Variants in CHEK1 observed in about 807,000 individuals in gnomAD.
The protein encoded by CHEK1 is checkpoint kinase 1, also known as serine/threonine-protein kinase Chk1.
In CHEK1, 32 loss-of-function variants were observed where a neutral mutation model predicts 60.2. The observed-to-expected ratio is 0.53, with a 90% CI of 0.40 to 0.71. CHEK1 has a LOEUF of 0.71. Ranked by LOEUF, CHEK1 falls within the 30% of genes least tolerant of loss-of-function variation. The pLI is 0.00. For synonymous variants in CHEK1, 179 were observed against 187.2 expected (o/e 0.96, Z 0.36); for missense variants, 399 against 564.6 (o/e 0.71, Z 2.97).
Position 125,644,663 on chromosome 11 carries a change from A to G in CHEK1, c.1233+20A>G. 1.9e-6 allele frequency: 3 copies of G among 1,606,776 alleles called. No homozygotes were observed. Among genetic ancestry groups the G allele is most frequent in the Non-Finnish European group, 2.5e-6 (3 of 1,177,336 alleles). On this transcript the variant is annotated intron_variant, in intron 11 of 12. Coordinates refer to ENST00000438015, the MANE Select transcript of CHEK1 (RefSeq NM_001114122.3). The stretch of plus-strand genomic sequence containing the variant: ...AATCAGGTGTGTTTCATTGATTTTC[A>G]TTATACCTTTTCCTGAAGAAGAATT...
intron 11 of CHEK1, among the ~76,000 whole-genome samples, chr11:125,651,748 T>G (rs1312773123): frequency 6.6e-6 from 1 of 152,210 alleles, no homozygotes; most frequent in Non-Finnish European, 1.5e-5. Flanking sequence ...CAGGGTAAGT[T>G]AAAATGCCAG....
chr11:125,625,831 G>GCGGCAA lies in CHEK1; in HGVS notation c.-200_-195dup. The GCGGCAA allele has an allele frequency of 2.8e-6, 2 of 702,634 alleles. No homozygotes were observed. Among genetic ancestry groups the GCGGCAA allele is most frequent in the Non-Finnish European group, 5.2e-6 (2 of 384,992 alleles). 43.5% of individuals were successfully genotyped at this position (702,634 alleles called of 1,614,324 possible). The stretch of plus-strand genomic sequence containing the variant: ...GACTGCAAAGCAGCCCTGGGCGGGA[G>GCGGCAA]CGGCAACATCTCCACGTCACCCTTT... On this transcript the variant is annotated 5_prime_UTR_variant, in exon 1 of 13. Transcript: ENST00000438015.
chr11:125,670,699 A>G (rs754534643), intron 13 of CHEK1, among the ~76,000 whole-genome samples: 1 of 152,056 alleles, frequency 6.6e-6, no homozygotes, highest in African/African-American at 2.4e-5. Context: ...GTCCCAACCT[A>G]TGTTCTCTGA....
downstream of CHEK1, among the ~76,000 whole-genome samples, chr11:125,657,741 A>C (rs2136072732): frequency 6.6e-6 from 1 of 152,290 alleles, no homozygotes; most frequent in African/African-American, 2.4e-5. Context: ...GCTAATTGAT[A>C]TTTGGATTGT....
chr11:125,661,690 G>A (rs1326946128), downstream of CHEK1, among the ~76,000 whole-genome samples: 2 of 151,148 alleles, frequency 1.3e-5, no homozygotes, highest in East Asian at 3.9e-4. Context: ...TTTTTTGAGG[G>A]TTACTCTAGC....
In CHEK1 at chr11:125,653,881, A is replaced by T; in HGVS notation, c.1335+34A>T. 1.6e-6 allele frequency: 2 copies of T among 1,239,176 alleles called. No homozygotes were observed. Among genetic ancestry groups the T allele is most frequent in the Non-Finnish European group, 2.3e-6 (2 of 876,468 alleles). The allele number at this position is 1,239,176 out of a possible 1,614,324, so 76.8% of individuals were successfully genotyped here. On this transcript the variant is annotated intron_variant, in intron 12 of 12. Transcript: ENST00000438015. This position sits in a 1 kb window ranked among gnomAD's most constrained non-coding sequence, Gnocchi z 4.3. ...ATGTTTTATTGTATTCTTTCTATGG[A>T]AATATTTCTATATGAATTTTTTTAA...
Position 125,655,377 on chromosome 11 carries a change from T to C in CHEK1, c.*57T>C. 2 of 1,245,606 alleles carry C rather than the reference T, an allele frequency of 1.6e-6. No individual in the cohort carries two copies. Among genetic ancestry groups the C allele is most frequent in the South Asian group, 1.3e-5 (1 of 79,050 alleles). 77.2% of individuals were successfully genotyped at this position (1,245,606 alleles called of 1,614,324 possible). ...ATATAGTGCTGCTATGTTGACATTA[T>C]TCTTCCTAGAGAAGATTATCCTGTC... On this transcript the variant is annotated 3_prime_UTR_variant, in exon 13 of 13. Coordinates refer to ENST00000438015, the MANE Select transcript of CHEK1 (RefSeq NM_001114122.3).
At chr11:125,626,877 A>G (rs1940637150) in intron 2 of CHEK1, 44 bp downstream of exon 2, 1 of 1,590,438 alleles carries the variant, frequency 6.3e-7, no homozygotes, top group Non-Finnish European at 8.6e-7. Flanking sequence ...GTGCATATTC[A>G]TTGTTTTGGA....
downstream of CHEK1, chr11:125,676,441 A>G (rs1352619381): frequency 1.9e-6 from 3 of 1,614,162 alleles, no homozygotes; most frequent in Non-Finnish European, 2.5e-6. Flanking sequence ...TTCCTTGATC[A>G]TTCATATAAG....
At chr11:125,671,520 G>T (rs1255702439) in intron 13 of CHEK1, 1 of 152,140 alleles carries the variant, frequency 6.6e-6, no homozygotes, top group Non-Finnish European at 1.5e-5. Context: ...TGGGGAAGGG[G>T]TCATGATGTG....
downstream of CHEK1, among the ~76,000 whole-genome samples, chr11:125,677,242 T>C (rs1203997554): frequency 6.6e-6 from 1 of 152,386 alleles, no homozygotes; most frequent in South Asian, 2.1e-4. Context: ...CATCAAACTT[T>C]GGGTCTTGTT....
rs1460697148 is a variant in CHEK1, at chr11:125,667,152, ATC to A, written c.*28-8765_*28-8764del. ...AGATGGTTCTTCAGTCCATTCCCCC[ATC>A]TCTCTCTCTCCCTGCTATTGATCCC... On this transcript the variant is annotated intron_variant, in intron 13 of 13. Transcript: ENST00000428830. Among the ~76,000 whole-genome samples the A allele has an allele frequency of 2.0e-5, 3 of 150,632 alleles. No homozygotes were observed. In the South Asian group the frequency reaches 6.3e-4, roughly 32 times the overall value.
intron 13 of CHEK1, among the ~76,000 whole-genome samples, chr11:125,673,801 T>C (rs996396176): frequency 3.3e-5 from 5 of 152,182 alleles, no homozygotes; most frequent in Admixed American, 6.6e-5. Flanking sequence ...TTCCATCCAA[T>C]TTGTTGTGAA....
chr11:125,677,971 C>T (rs781394674), downstream of CHEK1: 2 of 1,612,540 alleles, frequency 1.2e-6, no homozygotes, highest in South Asian at 2.2e-5. Flanking sequence ...AAAGGCTGTT[C>T]TCCGGAGAGG....
downstream of CHEK1, among the ~76,000 whole-genome samples, chr11:125,680,072 G>A (rs1942725152): frequency 6.6e-6 from 1 of 152,134 alleles, no homozygotes; most frequent in African/African-American, 2.4e-5. Flanking sequence ...CTACATTTTT[G>A]AGTCAACTTT....
intron 8 of CHEK1, among the ~76,000 whole-genome samples, chr11:125,642,197 C>G (rs1941335519): frequency 6.6e-6 from 1 of 152,164 alleles, no homozygotes; most frequent in African/African-American, 2.4e-5. Flanking sequence ...TTCCAATAAG[C>G]CTTTCCTGGC....
At chr11:125,631,913 A>G (rs1172898464) in intron 5 of CHEK1, among the ~76,000 whole-genome samples, 1 of 151,006 alleles carries the variant, frequency 6.6e-6, no homozygotes, top group Non-Finnish European at 1.5e-5. Flanking sequence ...GCTACCTCCT[A>G]AGTCAGATAG....
chr11:125,670,872 A>G (rs1419713399), intron 13 of CHEK1, among the ~76,000 whole-genome samples: 1 of 152,140 alleles, frequency 6.6e-6, no homozygotes, highest in Admixed American at 6.5e-5. Flanking sequence ...TCCAGAACAT[A>G]TAATTGTTAC....
intron 8 of CHEK1, among the ~76,000 whole-genome samples, chr11:125,640,850 A>G (rs1941276624): frequency 6.6e-6 from 1 of 152,128 alleles, no homozygotes; most frequent in Non-Finnish European, 1.5e-5. Context: ...GCTGTTCTCA[A>G]ACTGCTGGGC....
Sources: allele counts gnomAD v4.1 joint callset (sites outside exome capture counted in the v4.1 genomes callset), GRCh38; gene constraint gnomAD v4.1.1; non-coding constraint Gnocchi (gnomAD v3.1); transcripts MANE v1.5; gene names NCBI Gene and HGNC (gene_info 2026-07-23, HGNC 2026-07-21).